The following ZNF804A variants were observed in gnomAD, a reference collection of about 807,000 sequenced individuals.
ZNF804A encodes zinc finger protein 804A.
ZNF804A carries 2 observed loss-of-function variants against 16.5 expected under a neutral mutation model. The ratio of observed to expected loss-of-function variants is 0.12; its 90% CI spans 0.05 to 0.38. ZNF804A has a LOEUF of 0.38. Among genes scored for constraint, ZNF804A ranks in the 10% least tolerant of loss-of-function variants. The probability of loss-of-function intolerance (pLI) is 0.99; values close to 1 mark genes in which losing one functional copy is unlikely to be tolerated. For synonymous variants in ZNF804A, 534 were observed against 489.6 expected, an observed-to-expected ratio of 1.09 and a Z score of -1.20; for missense variants, 1,473 against 1,390.7, an observed-to-expected ratio of 1.06 and a Z score of -0.94.
chr2:184,740,862 C>A (rs1408300643), intron 1 of ZNF804A, among the ~76,000 whole-genome samples: 1 of 152,068 alleles, frequency 6.6e-6, no homozygotes, highest in Non-Finnish European at 1.5e-5. Flanking sequence ...AGCTTTAGGA[C>A]CTAGCAGAAA....
chr2:184,758,151 A>G (rs1240690447), intron 1 of ZNF804A, among the ~76,000 whole-genome samples: 1 of 152,026 alleles, frequency 6.6e-6, no homozygotes, highest in African/African-American at 2.4e-5. Context: ...GCATATTGCC[A>G]CATATTTCTG....
At chr2:184,823,455 AT>A (rs1217545475) in intron 1 of ZNF804A, among the ~76,000 whole-genome samples, 3 of 152,124 alleles carry the variant, frequency 2.0e-5, no homozygotes, top group Non-Finnish European at 4.4e-5. Context: ...GTTTCTGATC[AT>A]TTGTTACTGA....
chr2:184,916,335 A>G (rs1685449178), intron 2 of ZNF804A, among the ~76,000 whole-genome samples: 1 of 152,144 alleles, frequency 6.6e-6, no homozygotes, highest in Admixed American at 6.6e-5. Context: ...CTTGTTATTA[A>G]TCTAAATATA....
chr2:184,765,835 C>G (rs1336482657), intron 1 of ZNF804A, among the ~76,000 whole-genome samples: 2 of 151,964 alleles, frequency 1.3e-5, no homozygotes, highest in Non-Finnish European at 2.9e-5. Context: ...TGAGGAGACT[C>G]TAAAATATTT....
chr2:184,693,789 G>A (rs546561615), intron 1 of ZNF804A, among the ~76,000 whole-genome samples: 16 of 150,248 alleles, frequency 1.1e-4, no homozygotes, highest in Admixed American at 2.7e-4. Context: ...ATTTATTCTC[G>A]CTTTGCTCCA....
At chr2:184,791,681 T>C (rs1476970140) in intron 1 of ZNF804A, among the ~76,000 whole-genome samples, 2 of 152,180 alleles carry the variant, frequency 1.3e-5, no homozygotes, top group Admixed American at 1.3e-4. Context: ...AATGAACATA[T>C]GCTAACACAT....
At position 184,620,948 on chromosome 2, in the gene ZNF804A, T is replaced by A. The variant is rs184478785; in HGVS notation, c.111+21878T>A. Among the ~76,000 whole-genome samples, 417 of 151,784 alleles carry A rather than the reference T, an allele frequency of 2.7e-3. 4 individuals are homozygous for A. The highest frequency in any genetic ancestry group is 9.6e-3 in the African/African-American group (397 of 41,520). ...ATTTCACAATTATTTGGATTTTTAA[T>A]AGCATTTATTTTTCTGTATCTTTAA... On this transcript the variant is annotated intron_variant, in intron 1 of 3. Transcript: ENST00000302277.
chr2:184,751,654 C>T (rs1257220765), intron 1 of ZNF804A, among the ~76,000 whole-genome samples: 3 of 151,274 alleles, frequency 2.0e-5, no homozygotes, highest in Admixed American at 6.6e-5. Flanking sequence ...TAAACTAAAA[C>T]GCCTCTGCAT....
intron 1 of ZNF804A, among the ~76,000 whole-genome samples, chr2:184,761,306 G>GA (rs1456313561): frequency 6.6e-6 from 1 of 152,106 alleles, no homozygotes; most frequent in Non-Finnish European, 1.5e-5. Flanking sequence ...AAGGTTTTAT[G>GA]AAAAGAAAAA....
chr2:184,785,759 C>T (rs1414722666), intron 1 of ZNF804A, among the ~76,000 whole-genome samples: 1 of 151,882 alleles, frequency 6.6e-6, no homozygotes, highest in Non-Finnish European at 1.5e-5. Flanking sequence ...ACATAGATAC[C>T]ACACATAAAA....
chr2:184,799,041 C>A (rs566133927), intron 1 of ZNF804A, among the ~76,000 whole-genome samples: 1 of 152,180 alleles, frequency 6.6e-6, no homozygotes, highest in African/African-American at 2.4e-5. Flanking sequence ...TCTGGTACCG[C>A]GGGCTGTCAG....
chr2:184,724,230 G>C (rs2105744004), intron 1 of ZNF804A, among the ~76,000 whole-genome samples: 1 of 151,772 alleles, frequency 6.6e-6, no homozygotes, highest in East Asian at 1.9e-4. Context: ...TTAAAAGATG[G>C]AAGAAGAAAT....
chr2:184,682,861 A>G (rs1322909573), intron 1 of ZNF804A, among the ~76,000 whole-genome samples: 4 of 152,138 alleles, frequency 2.6e-5, no homozygotes, highest in Admixed American at 6.5e-5. Context: ...TACAAAAATT[A>G]ACCCAGCATG....
intron 1 of ZNF804A, among the ~76,000 whole-genome samples, chr2:184,732,582 T>C (rs1036808580): frequency 2.6e-5 from 4 of 152,174 alleles, no homozygotes; most frequent in African/African-American, 9.6e-5. Flanking sequence ...CAGATATTTT[T>C]ACTGGAATTT....
Position 184,744,194 on chromosome 2 carries a change from C to T in ZNF804A, c.112-122175C>T, listed in dbSNP as rs79155778. ...CTTTTCTGCTCTTCATTTTCTTTAT[C>T]TACTAATTAGAACTATACATAACTA... On this transcript the variant is annotated intron_variant, in intron 1 of 3. Transcript: ENST00000302277. Among the ~76,000 whole-genome samples, 604 of 151,886 alleles carry T rather than the reference C, an allele frequency of 4.0e-3. 12 individuals are homozygous for T. The highest frequency in any genetic ancestry group is 0.013 in the African/African-American group (549 of 41,488).
chr2:184,868,899 C>T (rs1240936207), intron 2 of ZNF804A, among the ~76,000 whole-genome samples: 1 of 152,052 alleles, frequency 6.6e-6, no homozygotes, highest in Non-Finnish European at 1.5e-5. Flanking sequence ...ATTAAGCTCT[C>T]TGAAGATCAA....
intron 1 of ZNF804A, among the ~76,000 whole-genome samples, chr2:184,707,439 G>T (rs1380111241): frequency 6.6e-6 from 1 of 152,012 alleles, no homozygotes; most frequent in African/African-American, 2.4e-5. Context: ...TTCAAAGCTT[G>T]CCCCCTTCTC....
At chr2:184,758,951 T>A (rs1693999984) in intron 1 of ZNF804A, among the ~76,000 whole-genome samples, 1 of 151,872 alleles carries the variant, frequency 6.6e-6, no homozygotes, top group African/African-American at 2.4e-5. Flanking sequence ...TTTCTCAAAT[T>A]TTTTGTCAGG....
chr2:184,608,170 C>T (rs1177821338), intron 1 of ZNF804A, among the ~76,000 whole-genome samples: 1 of 151,732 alleles, frequency 6.6e-6, no homozygotes, highest in Non-Finnish European at 1.5e-5. Context: ...TGGTCTCGAT[C>T]TCCTGACCTC....
Sources: allele counts gnomAD v4.1 joint callset (sites outside exome capture counted in the v4.1 genomes callset), GRCh38; gene constraint gnomAD v4.1.1; transcripts MANE v1.5; gene names NCBI Gene and HGNC (gene_info 2026-07-23, HGNC 2026-07-21).